CCSER1: variants seen among roughly 807,000 people sequenced by gnomAD.
CCSER1 encodes coiled-coil serine rich protein 1.
Under a neutral mutation model 82.0 loss-of-function variants are expected in CCSER1, and 41 were observed. That is an observed-to-expected ratio of 0.50 (90% CI 0.39 to 0.65). The LOEUF (loss-of-function observed/expected upper bound fraction) is 0.65. CCSER1 is among the 30% of genes least tolerant of loss of function. CCSER1 has a pLI of 0.00. For synonymous variants in CCSER1, 414 were observed against 383.9 expected, an observed-to-expected ratio of 1.08 and a Z score of -0.92; for missense variants, 1,119 against 1,064.2, an observed-to-expected ratio of 1.05 and a Z score of -0.72.
chr4:91,242,601 T>A (rs1238795977), intron 10 of CCSER1, among the ~76,000 whole-genome samples: 2 of 152,160 alleles, frequency 1.3e-5, no homozygotes, highest in African/African-American at 4.8e-5. Flanking sequence ...GAGTTTTAGA[T>A]ACAATACCAA....
chr4:91,094,684 T>C (rs1248752916), intron 10 of CCSER1, among the ~76,000 whole-genome samples: 1 of 152,174 alleles, frequency 6.6e-6, no homozygotes, highest in Non-Finnish European at 1.5e-5. Flanking sequence ...GTATGAGTAC[T>C]GGGGCTTGAT....
At position 91,369,366 on chromosome 4, in the gene CCSER1, T is replaced by A. The variant is rs1749857286; in HGVS notation, c.2218-229206T>A. 2.0e-5 allele frequency among the ~76,000 whole-genome samples: 3 copies of A among 152,200 alleles called. No homozygotes were observed. The South Asian group carries it at 6.2e-4, about 31-fold the overall frequency. On this transcript the variant is annotated intron_variant, in intron 10 of 10. Transcript: ENST00000509176. ...ATAAATATTTGTTTTTGTAAGCTAT[T>A]GAGATGTTGGGGTGGTTTTTCACTT...
intron 10 of CCSER1, among the ~76,000 whole-genome samples, chr4:91,391,457 C>T (rs574008808): frequency 4.1e-4 from 62 of 152,080 alleles, no homozygotes; most frequent in Admixed American, 9.2e-4. Context: ...TGTGCCACCA[C>T]GCCTCACTAA....
chr4:90,328,194 A>G (rs1160999862), intron 3 of CCSER1, among the ~76,000 whole-genome samples: 2 of 152,208 alleles, frequency 1.3e-5, no homozygotes, highest in Non-Finnish European at 2.9e-5. Context: ...CAATCACAAT[A>G]TATTAGATTT....
At chr4:91,395,257 A>G (rs1165968541) in intron 10 of CCSER1, among the ~76,000 whole-genome samples, 3 of 152,060 alleles carry the variant, frequency 2.0e-5, no homozygotes, top group African/African-American at 2.4e-5. Flanking sequence ...TTGAACCTCT[A>G]TAGATTCAAT....
chr4:90,185,491 G>C (rs568569940), intron 1 of CCSER1, among the ~76,000 whole-genome samples: 1 of 152,148 alleles, frequency 6.6e-6, no homozygotes, highest in Non-Finnish European at 1.5e-5. Context: ...GTGATGAACA[G>C]AGGAGTAAGT....
At chr4:90,852,832 A>G (rs1295813401) in intron 8 of CCSER1, among the ~76,000 whole-genome samples, 2 of 152,188 alleles carry the variant, frequency 1.3e-5, no homozygotes, top group Admixed American at 1.3e-4. Context: ...AAACATATAA[A>G]AGTTTTTGTA....
intron 6 of CCSER1, among the ~76,000 whole-genome samples, chr4:90,641,427 G>A (rs1457590169): frequency 6.6e-6 from 1 of 151,832 alleles, no homozygotes; most frequent in African/African-American, 2.4e-5. Context: ...GTCTTTCTAG[G>A]TATTATTATT....
At chr4:90,915,995 C>A (rs1727329032) in intron 8 of CCSER1, among the ~76,000 whole-genome samples, 4 of 152,138 alleles carry the variant, frequency 2.6e-5, no homozygotes, top group African/African-American at 9.7e-5. Flanking sequence ...CTTCAAACCA[C>A]TGCTCAATGA....
intron 3 of CCSER1, among the ~76,000 whole-genome samples, chr4:90,318,769 A>T (rs1736604057): frequency 1.3e-5 from 2 of 152,188 alleles, no homozygotes; most frequent in South Asian, 4.1e-4. Flanking sequence ...TTTATTCATT[A>T]TAATTCTTCA....
Position 90,286,151 on chromosome 4 carries a change from G to T in CCSER1, c.-41-22093G>T, listed in dbSNP as rs1176127580. Among the ~76,000 whole-genome samples the T allele has an allele frequency of 1.3e-5, 2 of 151,952 alleles. 1 individual carries two copies. Among genetic ancestry groups the T allele is most frequent in the Non-Finnish European group, 2.9e-5 (2 of 67,930 alleles). On this transcript the variant is annotated intron_variant, in intron 1 of 10. Coordinates refer to ENST00000509176, the MANE Select transcript of CCSER1 (RefSeq NM_001145065.2). ...GTATTGGGGTAATACTGGCCCCATG[G>T]AATGAGTTTGGAAATAGCCTCTCCT...
At chr4:91,503,845 G>A (rs1759348350) in intron 10 of CCSER1, among the ~76,000 whole-genome samples, 1 of 152,094 alleles carries the variant, frequency 6.6e-6, no homozygotes, top group Non-Finnish European at 1.5e-5. Context: ...GCTCCTTAGT[G>A]GTTAAATATG....
intron 8 of CCSER1, among the ~76,000 whole-genome samples, chr4:90,899,661 G>T (rs533286799): frequency 2.4e-4 from 37 of 152,150 alleles, no homozygotes; most frequent in Non-Finnish European, 5.2e-4. Context: ...TATCATGAAA[G>T]GATGTTGGAT....
At chr4:91,034,891 A>G (rs924723108) in intron 9 of CCSER1, among the ~76,000 whole-genome samples, 2 of 152,190 alleles carry the variant, frequency 1.3e-5, no homozygotes, top group Non-Finnish European at 1.5e-5. Context: ...TACTGGGATT[A>G]AAAATCCTTA....
In CCSER1 at chr4:91,085,847, G is replaced by A. The variant is rs7685222; in HGVS notation, c.2173-103G>A. On this transcript the variant is annotated intron_variant, in intron 9 of 10. Coordinates refer to ENST00000509176, the MANE Select transcript of CCSER1 (RefSeq NM_001145065.2). Reference sequence around the variant, plus strand: ...TCTATATTCAGATCTTCTTTGTTACGAATAAGTGAATTATTTCCTTTATTT... The same window carrying A: ...TCTATATTCAGATCTTCTTTGTTACAAATAAGTGAATTATTTCCTTTATTT... The A allele has an allele frequency of 3.3e-3, 2,382 of 716,584 alleles. 35 individuals are homozygous for A. The African/African-American group carries it at 0.036, about 11-fold the overall frequency. The allele number at this position is 716,584 out of a possible 1,614,324, so 44.4% of individuals were successfully genotyped here. A position where few individuals can be genotyped will look rare whatever the true frequency, so the allele number is the denominator to read the frequency against.
At chr4:90,803,795 C>T (rs2072545490) in intron 7 of CCSER1, among the ~76,000 whole-genome samples, 1 of 152,150 alleles carries the variant, frequency 6.6e-6, no homozygotes, top group African/African-American at 2.4e-5. Flanking sequence ...ACACTGTCTT[C>T]CACAATGGTT....
At chr4:90,732,534 A>G (rs904456089) in intron 7 of CCSER1, among the ~76,000 whole-genome samples, 16 of 152,158 alleles carry the variant, frequency 1.1e-4, no homozygotes, top group Admixed American at 2.0e-4. Flanking sequence ...GAAATCAGGT[A>G]TTTAACATAA....
intron 9 of CCSER1, among the ~76,000 whole-genome samples, chr4:90,946,803 G>A (rs1404150898): frequency 6.6e-6 from 1 of 152,110 alleles, no homozygotes; most frequent in Admixed American, 6.5e-5. Flanking sequence ...CTCACCCATA[G>A]CACAGAATAA....
intron 10 of CCSER1, among the ~76,000 whole-genome samples, chr4:91,277,794 T>G (rs558754287): frequency 6.6e-6 from 1 of 152,120 alleles, no homozygotes; most frequent in Admixed American, 6.5e-5. Context: ...GAAATCTTTC[T>G]ATTTTTTTGA....
Sources: allele counts gnomAD v4.1 joint callset (sites outside exome capture counted in the v4.1 genomes callset), GRCh38; gene constraint gnomAD v4.1.1; transcripts MANE v1.5; gene names NCBI Gene and HGNC (gene_info 2026-07-23, HGNC 2026-07-21).